Variants in APBB2 observed in about 807,000 individuals in gnomAD.
APBB2 encodes Fe65-like 1.
APBB2 carries 38 observed loss-of-function variants against 82.5 expected under a neutral mutation model. The ratio of observed to expected loss-of-function variants is 0.46; its 90% CI spans 0.36 to 0.60. The LOEUF is 0.60. Among genes scored for constraint, APBB2 ranks in the 20% least tolerant of loss-of-function variants. The pLI is 0.00. For synonymous variants in APBB2, 341 were observed against 368.2 expected, an observed-to-expected ratio of 0.93 and a Z score of 0.85; for missense variants, 772 against 972.3, an observed-to-expected ratio of 0.79 and a Z score of 2.74.
intron 3 of APBB2, among the ~76,000 whole-genome samples, chr4:41,066,277 T>C: frequency 6.6e-6 from 1 of 152,228 alleles, no homozygotes; most frequent in Non-Finnish European, 1.5e-5. Context: ...GTCCCCTTCA[T>C]GCTCCCTTCT....
Position 41,174,042 on chromosome 4 carries a change from C to T in APBB2, c.-416-30900G>A, listed in dbSNP as rs115029249. Among the ~76,000 whole-genome samples, 348 of 152,350 alleles carry T rather than the reference C, an allele frequency of 2.3e-3. 2 individuals are homozygous for T. Among genetic ancestry groups the T allele is most frequent in the African/African-American group, 8.1e-3 (336 of 41,568 alleles). ...ACAGCTAACCTAGGTAGTCCCTGTT[C>T]ACACGATTCTCGTTTAAAATCATCT... On this transcript the variant is annotated intron_variant, in intron 1 of 17. Coordinates refer to ENST00000508593, the MANE Select transcript of APBB2 (RefSeq NM_004307.2).
chr4:41,212,611 TA>T (rs1779598807), intron 1 of APBB2, among the ~76,000 whole-genome samples: 1 of 152,212 alleles, frequency 6.6e-6, no homozygotes, highest in Non-Finnish European at 1.5e-5. Flanking sequence ...ATCTCAACTT[TA>T]GAGTCGTCTC....
intron 6 of APBB2, among the ~76,000 whole-genome samples, chr4:40,973,998 C>A (rs73152361): frequency 1.3e-5 from 2 of 151,610 alleles, no homozygotes; most frequent in Non-Finnish European, 2.9e-5. Flanking sequence ...ATTACAGGCA[C>A]GCGCCACCAC....
At chr4:41,168,357 A>AT (rs1038415864) in intron 1 of APBB2, among the ~76,000 whole-genome samples, 3 of 151,662 alleles carry the variant, frequency 2.0e-5, no homozygotes, top group Non-Finnish European at 4.4e-5. Flanking sequence ...TGAAGCCAAC[A>AT]TTTTTTTAAT....
chr4:41,079,251 G>A (rs1404167060), intron 3 of APBB2, among the ~76,000 whole-genome samples: 1 of 152,150 alleles, frequency 6.6e-6, no homozygotes, highest in Non-Finnish European at 1.5e-5. Context: ...CCCCCAACTT[G>A]GGTAAATTCA....
intron 4 of APBB2, among the ~76,000 whole-genome samples, chr4:41,040,353 G>A (rs778288426): frequency 2.6e-5 from 4 of 152,090 alleles, no homozygotes; most frequent in South Asian, 2.1e-4. Context: ...TCTATAAAGC[G>A]AAGTACTTCT....
intron 3 of APBB2, among the ~76,000 whole-genome samples, chr4:41,068,634 T>C (rs2221630): frequency 1 from 151,626 of 152,224 alleles, 75,515 homozygotes; most frequent in Middle Eastern, 1. Context: ...TTTATAAGTT[T>C]TACCCCTAAG....
chr4:40,817,680 T>TA (rs1746260560), intron 17 of APBB2, among the ~76,000 whole-genome samples: 2 of 151,830 alleles, frequency 1.3e-5, no homozygotes, highest in African/African-American at 2.4e-5. Flanking sequence ...ATGGCTTTTT[T>TA]AAAAAAAATC....
chr4:40,972,834 T>C (rs1385104373), intron 6 of APBB2, among the ~76,000 whole-genome samples: 2 of 152,220 alleles, frequency 1.3e-5, no homozygotes, highest in African/African-American at 4.8e-5. Context: ...ATAGAGTCAA[T>C]TTTGCTCAGT....
At position 40,945,088 on chromosome 4, in the gene APBB2, G is replaced by A. The variant is rs1457136571; in HGVS notation, c.836-15C>T. On this transcript the variant is annotated splice_polypyrimidine_tract_variant and intron_variant, in intron 6 of 17. Transcript: ENST00000508593. Reference sequence around the variant, plus strand: ...CCATATATCTGCTGAAAAATTGGGGGGCGGGGCGGGGGGAGAAAGAGAGAA... The same window carrying A: ...CCATATATCTGCTGAAAAATTGGGGAGCGGGGCGGGGGGAGAAAGAGAGAA... 1.8e-6 allele frequency: 2 copies of A among 1,110,166 alleles called. No homozygotes were observed. Among genetic ancestry groups the A allele is most frequent in the Non-Finnish European group, 1.3e-6 (1 of 772,580 alleles). 68.8% of individuals were successfully genotyped at this position (1,110,166 alleles called of 1,614,324 possible). A position where few individuals can be genotyped will look rare whatever the true frequency, so the allele number is the denominator to read the frequency against.
chr4:41,013,804 T>C lies in APBB2; in HGVS notation c.614A>G (p.Asp205Gly), dbSNP rs755319008. 1.2e-6 allele frequency: 2 copies of C among 1,614,174 alleles called. No individual in the cohort carries two copies. Among genetic ancestry groups the C allele is most frequent in the African/African-American group, 1.3e-5 (1 of 75,048 alleles). Residue 205 changes from aspartate to glycine, a missense_variant, in exon 6 of 18, where the codon GAT (aspartate) becomes GGT (glycine). Physicochemically the swap from Asp to Gly is moderately conservative, Grantham distance 94. Coordinates refer to ENST00000508593, the MANE Select transcript of APBB2 (RefSeq NM_004307.2). ...TCTGTTTGGTTTCTGCAGCAGCAAA[T>C]CGCCATTCCCAATGATGGTGGAGGC... The part of the protein sequence containing the change: ...GQASTIIGNG[D>G]LLLQKPNRPQ...
At chr4:40,862,887 C>T (rs949887769) in intron 12 of APBB2, among the ~76,000 whole-genome samples, 5 of 149,774 alleles carry the variant, frequency 3.3e-5, no homozygotes, top group African/African-American at 1.2e-4. Flanking sequence ...GCCACAATCT[C>T]AGAGGGTGTA....
At chr4:41,106,601 C>A (rs989723800) in intron 2 of APBB2, among the ~76,000 whole-genome samples, 1 of 152,092 alleles carries the variant, frequency 6.6e-6, no homozygotes. Context: ...CTCAGCCTCC[C>A]AAGTAGCTGG....
intron 4 of APBB2, among the ~76,000 whole-genome samples, chr4:41,040,999 G>A (rs544039877): frequency 1.3e-5 from 2 of 152,202 alleles, no homozygotes; most frequent in South Asian, 4.2e-4. Context: ...TCCTGCCTCA[G>A]CCTCTCGAGC....
chr4:41,026,738 C>T (rs1714414577), intron 5 of APBB2, among the ~76,000 whole-genome samples: 1 of 152,196 alleles, frequency 6.6e-6, no homozygotes, highest in South Asian at 2.1e-4. Flanking sequence ...GGTTAATGGA[C>T]ATTTGGGTTG....
chr4:41,198,591 G>A, intron 1 of APBB2, among the ~76,000 whole-genome samples: 1 of 152,146 alleles, frequency 6.6e-6, no homozygotes, highest in Admixed American at 6.5e-5. Context: ...AGCATTAGAA[G>A]GTAAACCCAG....
intron 12 of APBB2, among the ~76,000 whole-genome samples, chr4:40,856,376 C>T (rs1460856535): frequency 6.6e-6 from 1 of 152,228 alleles, no homozygotes; most frequent in East Asian, 1.9e-4. Flanking sequence ...TTTAAATCTT[C>T]ACGCCTTTCT....
chr4:40,989,885 A>G (rs1469671807), intron 6 of APBB2, among the ~76,000 whole-genome samples: 2 of 152,220 alleles, frequency 1.3e-5, no homozygotes, highest in Non-Finnish European at 2.9e-5. Flanking sequence ...AGGAAAAGCA[A>G]CTCTGGGCCT....
At chr4:40,886,769 G>A (rs750922818) in intron 12 of APBB2, among the ~76,000 whole-genome samples, 23 of 152,152 alleles carry the variant, frequency 1.5e-4, no homozygotes, top group Non-Finnish European at 2.5e-4. Context: ...ACCTGCGTAC[G>A]TCCTCCTTTG....
Sources: gnomAD v4.1 joint callset for allele counts (sites outside exome capture counted in the v4.1 genomes callset) on GRCh38, gnomAD v4.1.1 for gene constraint, MANE v1.5 for transcripts, NCBI Gene and HGNC (gene_info 2026-07-23, HGNC 2026-07-21) for gene names.